The following DLG2 variants were observed in gnomAD, a reference collection of about 807,000 sequenced individuals.
DLG2 encodes the protein discs large MAGUK scaffold protein 2, also known as disks large homolog 2.
In DLG2, 45 loss-of-function variants were observed where a neutral mutation model predicts 132.5. The ratio of observed to expected loss-of-function variants is 0.34; its 90% CI spans 0.27 to 0.44. DLG2 has a LOEUF of 0.44. Ranked by LOEUF, DLG2 falls within the 20% of genes least tolerant of loss-of-function variation. The pLI is 1.00. For synonymous variants in DLG2, 424 were observed against 419.6 expected, an observed-to-expected ratio of 1.01 and a Z score of -0.13; for missense variants, 1,045 against 1,196.9, an observed-to-expected ratio of 0.87 and a Z score of 1.87.
At chr11:84,291,640 G>T (rs2098000008) in intron 7 of DLG2, among the ~76,000 whole-genome samples, 1 of 152,104 alleles carries the variant, frequency 6.6e-6, no homozygotes, top group Non-Finnish European at 1.5e-5. Context: ...AATTCCAGCT[G>T]ACAGATGACA....
At chr11:85,492,151 T>C (rs773807166) in intron 3 of DLG2, among the ~76,000 whole-genome samples, 7 of 152,174 alleles carry the variant, frequency 4.6e-5, no homozygotes, top group Non-Finnish European at 8.8e-5. Flanking sequence ...TATGAAGTAA[T>C]ATACATGTTA....
At chr11:84,362,303 T>C (rs2154421841) in intron 7 of DLG2, among the ~76,000 whole-genome samples, 1 of 152,092 alleles carries the variant, frequency 6.6e-6, no homozygotes, top group South Asian at 2.1e-4. Context: ...AGCAGTCTAA[T>C]GGTAACTCTA....
At chr11:83,842,406 C>T (rs1295268322) in intron 16 of DLG2, among the ~76,000 whole-genome samples, 1 of 150,074 alleles carries the variant, frequency 6.7e-6, no homozygotes, top group Non-Finnish European at 1.5e-5. Flanking sequence ...CCATTCTGGC[C>T]AACATGGTGA....
chr11:83,667,145 A>AG (rs2075775707), intron 18 of DLG2, among the ~76,000 whole-genome samples: 1 of 152,244 alleles, frequency 6.6e-6, no homozygotes, highest in African/African-American at 2.4e-5. Context: ...ATTTATTTTA[A>AG]GGAAGAATTT....
chr11:83,913,616 A>G (rs200305387), intron 15 of DLG2, among the ~76,000 whole-genome samples: 1 of 152,142 alleles, frequency 6.6e-6, no homozygotes, highest in East Asian at 1.9e-4. Context: ...TGGCACCACC[A>G]AAAACACATT....
chr11:84,326,746 G>A (rs1599925162), intron 7 of DLG2, among the ~76,000 whole-genome samples: 1 of 152,184 alleles, frequency 6.6e-6, no homozygotes, highest in East Asian at 1.9e-4. Flanking sequence ...CATCTATAAT[G>A]TCATTCAAGT....
At chr11:83,852,480 T>C (rs982875595) in intron 16 of DLG2, among the ~76,000 whole-genome samples, 1 of 152,162 alleles carries the variant, frequency 6.6e-6, no homozygotes, top group Non-Finnish European at 1.5e-5. Flanking sequence ...GTAGTTAAGA[T>C]ATGTATGTAA....
intron 17 of DLG2, among the ~76,000 whole-genome samples, chr11:83,821,515 T>C (rs553052432): frequency 6.6e-6 from 1 of 152,278 alleles, no homozygotes; most frequent in South Asian, 2.1e-4. Flanking sequence ...ATTACGACCA[T>C]GTTCATATCT....
intron 18 of DLG2, among the ~76,000 whole-genome samples, chr11:83,689,809 T>G (rs2080523770): frequency 6.6e-6 from 1 of 151,268 alleles, no homozygotes; most frequent in South Asian, 2.1e-4. Flanking sequence ...ACCAGTGGTT[T>G]CAAAACTTTG....
chr11:83,954,882 A>G (rs2086434373), intron 14 of DLG2, among the ~76,000 whole-genome samples: 1 of 152,222 alleles, frequency 6.6e-6, no homozygotes, highest in African/African-American at 2.4e-5. Context: ...TTCTCAATAA[A>G]GCAGTCAGAC....
intron 3 of DLG2, among the ~76,000 whole-genome samples, chr11:85,514,751 C>T (rs1408414159): frequency 2.6e-5 from 4 of 151,842 alleles, no homozygotes; most frequent in African/African-American, 4.8e-5. Flanking sequence ...CTGTTGCTTA[C>T]CTTTCTTTTC....
chr11:84,109,079 G>A (rs562184070), intron 9 of DLG2, among the ~76,000 whole-genome samples: 21 of 151,784 alleles, frequency 1.4e-4, no homozygotes, highest in Admixed American at 9.2e-4. Flanking sequence ...ATATGTTGGT[G>A]TTAATGGAGA....
At chr11:83,462,185 A>T (rs1286821676) in intron 26 of DLG2, 92 bp from the exon 27 acceptor site, 11 of 843,484 alleles carry the variant, frequency 1.3e-5, no homozygotes, top group African/African-American at 5.1e-5. Context: ...CCTACAGAAA[A>T]CATAGTGTAA....
chr11:85,621,205 A>T (rs1052247748), intron 2 of DLG2, among the ~76,000 whole-genome samples: 1 of 147,218 alleles, frequency 6.8e-6, no homozygotes, highest in African/African-American at 2.6e-5. Context: ...CACTGTTGAG[A>T]ACTACTACTC....
intron 7 of DLG2, among the ~76,000 whole-genome samples, chr11:84,409,042 G>A (rs1175929232): frequency 2.6e-5 from 4 of 152,002 alleles, no homozygotes; most frequent in Admixed American, 2.6e-4. Context: ...CAATGATCTG[G>A]CCACTGTTTA....
intron 18 of DLG2, among the ~76,000 whole-genome samples, chr11:83,777,454 T>G (rs1252330098): frequency 1.3e-5 from 2 of 152,200 alleles, no homozygotes; most frequent in Non-Finnish European, 2.9e-5. Context: ...TCTCCACTAT[T>G]TCAGCTTTCT....
At chr11:85,504,038 G>A (rs191388364) in intron 3 of DLG2, among the ~76,000 whole-genome samples, 85 of 152,222 alleles carry the variant, frequency 5.6e-4, no homozygotes, top group African/African-American at 8.4e-4. Flanking sequence ...CATATACTTC[G>A]CCCACTTTTT....
intron 16 of DLG2, among the ~76,000 whole-genome samples, chr11:83,859,062 T>G (rs896399811): frequency 1.3e-5 from 2 of 152,254 alleles, no homozygotes; most frequent in Non-Finnish European, 2.9e-5. Context: ...CTGCCATGAT[T>G]GTGAGGCCTC....
In DLG2 at chr11:84,093,768, C is replaced by T. The variant is rs184829392; in HGVS notation, c.749+5155G>A. The stretch of plus-strand genomic sequence containing the variant: ...TAGCTGGGATTACAGGCGCCCACCA[C>T]AACACCCCGCTAATTTTTGTATTTT... On this transcript the variant is annotated intron_variant, in intron 10 of 27. Transcript: ENST00000376104. Among the ~76,000 whole-genome samples the T allele has an allele frequency of 1.7e-3, 262 of 152,052 alleles. 1 individual carries two copies. The highest frequency in any genetic ancestry group is 5.8e-3 in the African/African-American group (239 of 41,492).
Sources: allele counts gnomAD v4.1 joint callset (sites outside exome capture counted in the v4.1 genomes callset), GRCh38; gene constraint gnomAD v4.1.1; transcripts MANE v1.5; gene names NCBI Gene and HGNC (gene_info 2026-07-23, HGNC 2026-07-21).